Variants in POLR2D observed in about 807,000 individuals in gnomAD.
POLR2D encodes the protein DNA-directed RNA polymerase II subunit RPB4.
POLR2D carries 10 observed loss-of-function variants against 17.6 expected under a neutral mutation model. That is an observed-to-expected ratio of 0.57 (90% CI 0.35 to 0.96). The LOEUF (loss-of-function observed/expected upper bound fraction) is 0.96. Ranked by LOEUF, POLR2D falls within the 40% of genes least tolerant of loss-of-function variation. The pLI is 0.02. For synonymous variants in POLR2D, 52 were observed against 60.2 expected (o/e 0.86, Z 0.63); for missense variants, 126 against 176.4 (o/e 0.71, Z 1.62).
chr2:127,856,997 C>T (rs985439034), intron 1 of POLR2D: 1 of 152,224 alleles, frequency 6.6e-6, no homozygotes, highest in African/African-American at 2.4e-5. Flanking sequence ...GTTCGTACCA[C>T]TGCACCCCAG....
At position 127,847,816 on chromosome 2, in the gene POLR2D, G is replaced by T. The variant is rs1690180894; in HGVS notation, c.*291C>A. On this transcript the variant is annotated 3_prime_UTR_variant, in exon 4 of 4. Transcript: ENST00000272645. ...AGATGATGTGGAGGCCAAAAACCAG[G>T]AATGAGGTAGTCAACAGTGTGGTTA... 1 of 387,274 alleles carries T rather than the reference G, an allele frequency of 2.6e-6. No individual in the cohort carries two copies. 24.0% of individuals were successfully genotyped at this position (387,274 alleles called of 1,614,324 possible). A position where few individuals can be genotyped will look rare whatever the true frequency, so the allele number is the denominator to read the frequency against.
intron 1 of POLR2D, chr2:127,857,018 AGAGT>A (rs974545717): frequency 5.2e-5 from 8 of 152,390 alleles, no homozygotes; most frequent in African/African-American, 1.4e-4. Context: ...CCTGGGCAAC[AGAGT>A]GAGACTCTGT....
At chr2:127,853,874 G>C (rs1255538324) in intron 1 of POLR2D, among the ~76,000 whole-genome samples, 1 of 152,190 alleles carries the variant, frequency 6.6e-6, no homozygotes, top group African/African-American at 2.4e-5. Context: ...GAGTTCACGA[G>C]ACACTAACAT....
rs1010789168 is a variant in POLR2D, at chr2:127,854,623, CTG to C, written c.74-1520_74-1519del. Among the ~76,000 whole-genome samples the C allele has an allele frequency of 3.3e-5, 5 of 152,238 alleles. No homozygotes were observed. In the East Asian group the frequency reaches 7.7e-4, roughly 23 times the overall value. ...TTTTAAGTGGTGGGTCAGGAGGAAA[CTG>C]TATTTTTATTTGAAAGGTACTCATT... On this transcript the variant is annotated intron_variant, in intron 1 of 3. Coordinates refer to ENST00000272645, the MANE Select transcript of POLR2D (RefSeq NM_004805.4).
At chr2:127,856,727 T>A (rs1690338970) in intron 1 of POLR2D, among the ~76,000 whole-genome samples, 1 of 152,152 alleles carries the variant, frequency 6.6e-6, no homozygotes, top group Non-Finnish European at 1.5e-5. Flanking sequence ...GAGGGTAGTA[T>A]TTCCGTTTTA....
At chr2:127,857,464 T>C (rs1161990727) in intron 1 of POLR2D, among the ~76,000 whole-genome samples, 1 of 152,208 alleles carries the variant, frequency 6.6e-6, no homozygotes, top group African/African-American at 2.4e-5. Context: ...AATAATTTGT[T>C]CCAGCCAACA....
rs560675144 is a variant in POLR2D at position 127,844,954 on chromosome 2, G to C, written c.*3153C>G. 2.6e-5 allele frequency: 4 copies of C among 152,208 alleles called. No individual in the cohort carries two copies. The East Asian group carries it at 7.7e-4, about 29-fold the overall frequency. The allele number at this position is 152,208 out of a possible 1,614,324, so 9.4% of individuals were successfully genotyped here. A position where few individuals can be genotyped will look rare whatever the true frequency, so the allele number is the denominator to read the frequency against. ...CAGGTGTGAGCCACCGCGCCCAACTGTGAGCTGCTTTTTAAATCTGCTTTT... is the reference window on the plus strand; with the variant it reads ...CAGGTGTGAGCCACCGCGCCCAACTCTGAGCTGCTTTTTAAATCTGCTTTT... On this transcript the variant is annotated 3_prime_UTR_variant, in exon 4 of 4. Coordinates refer to ENST00000272645, the MANE Select transcript of POLR2D (RefSeq NM_004805.4).
At position 127,845,718 on chromosome 2, in the gene POLR2D, C is replaced by T. The variant is rs1374013051; in HGVS notation, c.*2389G>A. The T allele has an allele frequency of 1.3e-5, 2 of 152,152 alleles. No homozygotes were observed. The highest frequency in any genetic ancestry group is 1.9e-4 in the East Asian group (1 of 5,202). 9.4% of individuals were successfully genotyped at this position (152,152 alleles called of 1,614,324 possible). ...AAGTCTGATACTATCAGTTGGTAGGCTAACAAATTCTTGCACTAATTTCTA... is the reference window on the plus strand; with the variant it reads ...AAGTCTGATACTATCAGTTGGTAGGTTAACAAATTCTTGCACTAATTTCTA... On this transcript the variant is annotated 3_prime_UTR_variant, in exon 4 of 4. Coordinates refer to ENST00000272645, the MANE Select transcript of POLR2D (RefSeq NM_004805.4).
At chr2:127,854,481 G>A (rs1156453510) in intron 1 of POLR2D, among the ~76,000 whole-genome samples, 1 of 152,164 alleles carries the variant, frequency 6.6e-6, no homozygotes, top group African/African-American at 2.4e-5. Flanking sequence ...ATTTAGATGT[G>A]CTATGGGTCT....
rs1690363449 is a variant in POLR2D, at chr2:127,857,804, C to T, written c.73+224G>A. Reference sequence around the variant, plus strand: ...GGCTTTGTTTATCTTTGACACAGGTCCCCGGAACTTCGCAGTTTATCACAT... The same window carrying T: ...GGCTTTGTTTATCTTTGACACAGGTTCCCGGAACTTCGCAGTTTATCACAT... On this transcript the variant is annotated intron_variant, in intron 1 of 3. Transcript: ENST00000272645. 3.8e-6 allele frequency: 5 copies of T among 1,311,592 alleles called. No homozygotes were observed. In the East Asian group the frequency reaches 1.6e-4, roughly 42 times the overall value. The allele number at this position is 1,311,592 out of a possible 1,614,324, so 81.2% of individuals were successfully genotyped here.
In POLR2D at chr2:127,852,872, A is replaced by T; in HGVS notation, c.254+53T>A. The T allele has an allele frequency of 8.1e-7, 1 of 1,230,310 alleles. No homozygotes were observed. The highest frequency in any genetic ancestry group is 1.2e-6 in the Non-Finnish European group (1 of 846,522). 76.2% of individuals were successfully genotyped at this position (1,230,310 alleles called of 1,614,324 possible). On this transcript the variant is annotated intron_variant, in intron 2 of 3. Transcript: ENST00000272645. This position sits in a 1 kb window ranked among gnomAD's most constrained non-coding sequence, Gnocchi z 4.0. ...GGAAAGGGGGAGGGGACAGCATTCT[A>T]CATGCAGTTGTCCAATGGTTTGGAT...
In POLR2D at chr2:127,843,567, T is replaced by C. The variant is rs1690103926; in HGVS notation, c.*4540A>G. The C allele has an allele frequency of 6.6e-6, 1 of 152,280 alleles. No individual in the cohort carries two copies. The highest frequency in any genetic ancestry group is 2.4e-5 in the African/African-American group (1 of 41,466). The allele number at this position is 152,280 out of a possible 1,614,324, so 9.4% of individuals were successfully genotyped here. On this transcript the variant is annotated 3_prime_UTR_variant, in exon 4 of 4. Coordinates refer to ENST00000272645, the MANE Select transcript of POLR2D (RefSeq NM_004805.4). ...TGACACCAGTGGCATATTTAGTGCTTTTTATTAACAGTATTACTAAGGCAA... is the reference window on the plus strand; with the variant it reads ...TGACACCAGTGGCATATTTAGTGCTCTTTATTAACAGTATTACTAAGGCAA...
chr2:127,856,808 G>C (rs1227492722), intron 1 of POLR2D: 1 of 152,090 alleles, frequency 6.6e-6, no homozygotes, highest in Non-Finnish European at 1.5e-5. Context: ...GGCCGAGCTG[G>C]GTGGATCACC....
At chr2:127,854,286 G>A (rs1045257053) in intron 1 of POLR2D, among the ~76,000 whole-genome samples, 2 of 152,044 alleles carry the variant, frequency 1.3e-5, no homozygotes, top group Non-Finnish European at 1.5e-5. Context: ...TCTCCCTTAC[G>A]TTCCTGCAGG....
intron 1 of POLR2D, among the ~76,000 whole-genome samples, chr2:127,855,394 C>CAA (rs747725989): frequency 0.014 from 688 of 47,630 alleles, 2 homozygotes; most frequent in Middle Eastern, 0.071. Context: ...AACTCCGTCT[C>CAA]AAAAAAAAAA....
chr2:127,844,485 CAAT>C lies in POLR2D; in HGVS notation c.*3619_*3621del, dbSNP rs1690118384. The C allele has an allele frequency of 6.6e-6, 1 of 152,130 alleles. No homozygotes were observed. Among genetic ancestry groups the C allele is most frequent in the South Asian group, 2.1e-4 (1 of 4,828 alleles). The allele number at this position is 152,130 out of a possible 1,614,324, so 9.4% of individuals were successfully genotyped here. ...ATTTTACACAGTACAATGAGCCTAA[CAAT>C]GTTTCACAAATTGTGCAAGGTCTCC... On this transcript the variant is annotated 3_prime_UTR_variant, in exon 4 of 4. Transcript: ENST00000272645.
Position 127,847,701 on chromosome 2 carries a change from C to A in POLR2D, c.*406G>T. ...TTCTTCCTTTAGTATCTAGGTAAAA[C>A]TGGTCTTTCTCTATAAAGTCTACTA... On this transcript the variant is annotated 3_prime_UTR_variant, in exon 4 of 4. Coordinates refer to ENST00000272645, the MANE Select transcript of POLR2D (RefSeq NM_004805.4). The A allele has an allele frequency of 1.1e-5, 2 of 176,532 alleles. No individual in the cohort carries two copies. The highest frequency in any genetic ancestry group is 1.1e-4 in the South Asian group (1 of 8,974). The allele number at this position is 176,532 out of a possible 1,614,324, so 10.9% of individuals were successfully genotyped here. A position where few individuals can be genotyped will look rare whatever the true frequency, so the allele number is the denominator to read the frequency against.
chr2:127,855,663 G>A (rs1186599211), intron 1 of POLR2D, among the ~76,000 whole-genome samples: 1 of 152,168 alleles, frequency 6.6e-6, no homozygotes, highest in Non-Finnish European at 1.5e-5. Context: ...GCATTCCCAG[G>A]ATTCAGCATC....
At chr2:127,851,607 T>C (rs1428518023) in intron 2 of POLR2D, among the ~76,000 whole-genome samples, 2 of 151,970 alleles carry the variant, frequency 1.3e-5, no homozygotes, top group Non-Finnish European at 2.9e-5. Context: ...AAAATAAAAA[T>C]AGCTAAGGGA....
Sources: gnomAD v4.1 joint callset for allele counts (sites outside exome capture counted in the v4.1 genomes callset) on GRCh38, gnomAD v4.1.1 for gene constraint, Gnocchi (gnomAD v3.1) non-coding constraint, MANE v1.5 for transcripts, NCBI Gene and HGNC (gene_info 2026-07-23, HGNC 2026-07-21) for gene names.